Variants in GREB1L observed in about 807,000 individuals in gnomAD.
GREB1L encodes GREB1-like protein.
A neutral mutation model predicts 200.8 loss-of-function variants in GREB1L; 17 were observed. That is an observed-to-expected ratio of 0.08 (90% CI 0.06 to 0.13). The LOEUF is 0.13. Ranked by LOEUF, GREB1L falls within the 10% of genes least tolerant of loss-of-function variation. GREB1L has a pLI of 1.00. For missense variants in GREB1L, 1,657 were observed against 2,367.7 expected (o/e 0.70, Z 6.23); for synonymous variants, 789 against 893.0 (o/e 0.88, Z 2.08).
intron 1 of GREB1L, among the ~76,000 whole-genome samples, chr18:21,335,854 G>A (rs1302686659): frequency 2.0e-5 from 3 of 151,932 alleles, no homozygotes; most frequent in East Asian, 3.9e-4. Flanking sequence ...TAGTAGAGAC[G>A]GGGATTCACC....
chr18:21,268,556 CACACATATATATATATAT>C lies in GREB1L; in HGVS notation c.-120+26165_-120+26182del, dbSNP rs1258961512. Among the ~76,000 whole-genome samples the C allele has an allele frequency of 1.8e-3, 168 of 95,730 alleles. 3 individuals are homozygous for C. In the East Asian group the frequency reaches 0.029, roughly 17 times the overall value. The allele number at this position is 95,730 out of a possible 152,430, so 62.8% of individuals were successfully genotyped here. A position where few individuals can be genotyped will look rare whatever the true frequency, so the allele number is the denominator to read the frequency against. On this transcript the variant is annotated intron_variant, in intron 1 of 32. Transcript: ENST00000424526. ...ACACACACACACACACACACACACACACACATATATATATATATATATATATATATATATATACATGTA... is the reference window on the plus strand; with the variant it reads ...ACACACACACACACACACACACACACATATATATATATATATATACATGTA...
intron 2 of GREB1L, among the ~76,000 whole-genome samples, chr18:21,372,195 C>T (rs1267506351): frequency 1.3e-5 from 2 of 149,626 alleles, no homozygotes; most frequent in African/African-American, 4.9e-5. Context: ...GTTGCCCAGG[C>T]TGGAGTTCAA....
At chr18:21,477,583 G>A (rs1299013946) in intron 17 of GREB1L, among the ~76,000 whole-genome samples, 2 of 152,070 alleles carry the variant, frequency 1.3e-5, no homozygotes, top group African/African-American at 2.4e-5. Flanking sequence ...TCAGGAGATC[G>A]AGACCATCCT....
Position 21,522,835 on chromosome 18 carries a change from C to T in GREB1L, c.*14C>T. 1 of 1,528,862 alleles carries T rather than the reference C, an allele frequency of 6.5e-7. No homozygotes were observed. Among genetic ancestry groups the T allele is most frequent in the Non-Finnish European group, 8.8e-7 (1 of 1,136,114 alleles). 94.7% of individuals were successfully genotyped at this position (1,528,862 alleles called of 1,614,324 possible). On this transcript the variant is annotated 3_prime_UTR_variant, in exon 33 of 33. Transcript: ENST00000424526. ...CGTCATGTATGAGCTTTTGAAGAGACCAAAACAGCAAAAAGATGCCTAGGT... is the reference window on the plus strand; with the variant it reads ...CGTCATGTATGAGCTTTTGAAGAGATCAAAACAGCAAAAAGATGCCTAGGT...
chr18:21,391,071 T>C (rs1406690172), intron 4 of GREB1L, among the ~76,000 whole-genome samples: 1 of 152,216 alleles, frequency 6.6e-6, no homozygotes, highest in Non-Finnish European at 1.5e-5. Context: ...TTAGTAAATT[T>C]AGTGTAGCCT....
At chr18:21,363,271 A>ACCCCCCCCCC (rs1567951929) in intron 1 of GREB1L, among the ~76,000 whole-genome samples, 1 of 7,324 alleles carries the variant, frequency 1.4e-4, no homozygotes, top group Non-Finnish European at 2.6e-4. Context: ...CCCTGCCCCC[A>ACCCCCCCCCC]CTCCGCCTCC....
intron 1 of GREB1L, among the ~76,000 whole-genome samples, chr18:21,274,236 A>G (rs2038125341): frequency 6.6e-6 from 1 of 152,052 alleles, no homozygotes; most frequent in Non-Finnish European, 1.5e-5. Flanking sequence ...TAAGGTCACT[A>G]ATTTCATTCA....
chr18:21,507,531 G>A (rs1172542026), intron 25 of GREB1L, among the ~76,000 whole-genome samples: 1 of 152,124 alleles, frequency 6.6e-6, no homozygotes, highest in African/African-American at 2.4e-5. Flanking sequence ...CTGAAAAAAC[G>A]TGAACTCTGC....
Position 21,485,627 on chromosome 18 carries a change from T to C in GREB1L, c.2564T>C (p.Val855Ala). The C allele has an allele frequency of 6.4e-7, 1 of 1,551,228 alleles. No individual in the cohort carries two copies. The highest frequency in any genetic ancestry group is 8.7e-7 in the Non-Finnish European group (1 of 1,146,790). Residue 855 changes from valine (V) to alanine (A), a missense_variant, in exon 18 of 33, where the codon GTG (valine) becomes GCG (alanine). Coordinates refer to ENST00000424526, the MANE Select transcript of GREB1L (RefSeq NM_001142966.3). ...HWIQLDTGED[V>A]GCEEKLYFGL... Reference sequence around the variant, plus strand: ...CTCTGTATTTTGAACCAGGAGGACGTGGGCTGCGAGGAGAAGCTGTACTTT... The same window carrying C: ...CTCTGTATTTTGAACCAGGAGGACGCGGGCTGCGAGGAGAAGCTGTACTTT...
At position 21,401,140 on chromosome 18, in the gene GREB1L, C is replaced by G. The variant is rs1450969503; in HGVS notation, c.533-10C>G. The G allele has an allele frequency of 6.4e-7, 1 of 1,550,396 alleles. No individual in the cohort carries two copies. The highest frequency in any genetic ancestry group is 2.4e-5 in the East Asian group (1 of 40,886). On this transcript the variant is annotated splice_polypyrimidine_tract_variant and intron_variant, in intron 5 of 32. Coordinates refer to ENST00000424526, the MANE Select transcript of GREB1L (RefSeq NM_001142966.3). ...AAGGCCATTAGTAACATTGGTTTTC[C>G]TGACTTCAGGGTTTTCTGGAAATTG...
chr18:21,253,814 C>T (rs1027599818), intron 1 of GREB1L, among the ~76,000 whole-genome samples: 31 of 143,150 alleles, frequency 2.2e-4, no homozygotes, highest in African/African-American at 7.8e-4. Context: ...CTTTTGGTAA[C>T]TTTGACTTCC....
chr18:21,473,152 A>T lies in GREB1L; in HGVS notation c.2304A>T (p.Lys768Asn). 6.5e-7 allele frequency: 1 copy of T among 1,550,332 alleles called. No homozygotes were observed. Among genetic ancestry groups the T allele is most frequent in the Non-Finnish European group, 8.7e-7 (1 of 1,146,344 alleles). Residue 768 changes from lysine (K) to asparagine (N), a missense_variant, in exon 16 of 33, where the codon AAA becomes AAT. This residue lies in a region of GREB1L where 239 missense variants were observed against 421.8 expected (regional missense o/e 0.57). Coordinates refer to ENST00000424526, the MANE Select transcript of GREB1L (RefSeq NM_001142966.3). The stretch of plus-strand genomic sequence containing the variant: ...TTGAAGTTTTTATGAGGAGAGTGAA[A>T]CAGAACCCGTACACACTGTTTGTGC... Reference protein sequence around the residue: ...TKFEVFMRRVKQNPYTLFVLV... With the variant: ...TKFEVFMRRVNQNPYTLFVLV...
At chr18:21,386,543 C>T (rs1288798956) in intron 4 of GREB1L, among the ~76,000 whole-genome samples, 1 of 151,098 alleles carries the variant, frequency 6.6e-6, no homozygotes, top group Admixed American at 6.6e-5. Flanking sequence ...CCCTCCTCGG[C>T]TCCCAAAGTG....
At chr18:21,489,949 C>G (rs1598917975) in intron 18 of GREB1L, 63 bp from the exon 19 acceptor site, 1 of 1,211,782 alleles carries the variant, frequency 8.3e-7, no homozygotes, top group East Asian at 2.5e-5. Flanking sequence ...TCTTACTGCA[C>G]AGGCCTTGCT....
rs542735311 is a variant in GREB1L at position 21,486,810 on chromosome 18, G to A, written c.2690+1057G>A. 6.6e-5 allele frequency among the ~76,000 whole-genome samples: 10 copies of A among 152,218 alleles called. No homozygotes were observed. The East Asian group carries it at 9.6e-4, about 15-fold the overall frequency. The stretch of plus-strand genomic sequence containing the variant: ...CTGTTTGATCATCCAATGTTGGGGC[G>A]ATTGGGCTTTATTTTATGGGGCAAA... On this transcript the variant is annotated intron_variant, in intron 18 of 32. Coordinates refer to ENST00000424526, the MANE Select transcript of GREB1L (RefSeq NM_001142966.3).
At chr18:21,459,279 C>CTTTTTTTTTTTTTTTTTTTTTTTTTTT (rs746568414) in intron 15 of GREB1L, among the ~76,000 whole-genome samples, 7 of 85,920 alleles carry the variant, frequency 8.1e-5, no homozygotes, top group Admixed American at 1.6e-4. Context: ...TTTTTCTTTA[C>CTTTTTTTTTTTTTTTTTTTTTTTTTTT]TTTTTTTTTT....
intron 31 of GREB1L, among the ~76,000 whole-genome samples, chr18:21,520,114 A>AT (rs1178254447): frequency 3.3e-5 from 5 of 151,480 alleles, no homozygotes; most frequent in South Asian, 2.1e-4. Context: ...TTTTTTTTGT[A>AT]TTTTTTACTA....
chr18:21,296,933 G>T (rs1048111928), intron 1 of GREB1L, among the ~76,000 whole-genome samples: 5 of 152,138 alleles, frequency 3.3e-5, no homozygotes, highest in African/African-American at 1.2e-4. Flanking sequence ...AGGATTACAG[G>T]CATGAGCCAT....
At chr18:21,271,911 T>A (rs1249067661) in intron 1 of GREB1L, among the ~76,000 whole-genome samples, 1 of 152,170 alleles carries the variant, frequency 6.6e-6, no homozygotes, top group Non-Finnish European at 1.5e-5. Context: ...ATTCTCATGA[T>A]GAGTTTAGAC....
Sources: allele counts gnomAD v4.1 joint callset (sites outside exome capture counted in the v4.1 genomes callset), GRCh38; gene constraint gnomAD v4.1.1; regional missense constraint gnomAD v4.1.1; transcripts MANE v1.5; gene names NCBI Gene and HGNC (gene_info 2026-07-23, HGNC 2026-07-21).